The following HS6ST3 variants were observed in gnomAD, a reference collection of about 807,000 sequenced individuals.
HS6ST3 encodes heparan sulfate 6-O-sulfotransferase 3.
HS6ST3 carries 12 observed loss-of-function variants against 36.7 expected under a neutral mutation model. The observed-to-expected ratio is 0.33, with a 90% CI of 0.21 to 0.53. The LOEUF (loss-of-function observed/expected upper bound fraction) is 0.53. Among genes scored for constraint, HS6ST3 ranks in the 20% least tolerant of loss-of-function variants. The pLI is 0.95. For synonymous variants in HS6ST3, 240 were observed against 257.5 expected (o/e 0.93, Z 0.65); for missense variants, 584 against 640.9 (o/e 0.91, Z 0.96).
At chr13:96,775,250 G>A (rs868552053) in intron 1 of HS6ST3, among the ~76,000 whole-genome samples, 9 of 151,954 alleles carry the variant, frequency 5.9e-5, no homozygotes, top group African/African-American at 1.7e-4. Flanking sequence ...AAAGACCATC[G>A]AGACTATGAA....
At chr13:96,170,868 G>C (rs2054184094) in intron 1 of HS6ST3, among the ~76,000 whole-genome samples, 1 of 152,220 alleles carries the variant, frequency 6.6e-6, no homozygotes, top group Non-Finnish European at 1.5e-5. Context: ...AAACTGTATT[G>C]AATTTCTGGA....
intron 1 of HS6ST3, among the ~76,000 whole-genome samples, chr13:96,173,502 C>A (rs1259381689): frequency 6.6e-6 from 1 of 151,994 alleles, no homozygotes; most frequent in Non-Finnish European, 1.5e-5. Context: ...AAAGATCAGT[C>A]TCATTTACGT....
At chr13:96,155,885 A>T (rs1303597580) in intron 1 of HS6ST3, among the ~76,000 whole-genome samples, 3 of 152,190 alleles carry the variant, frequency 2.0e-5, no homozygotes, top group Non-Finnish European at 4.4e-5. Context: ...TTTAAAGCTT[A>T]CTGAAGACCT....
chr13:96,106,508 C>T (rs1054470224), intron 1 of HS6ST3, among the ~76,000 whole-genome samples: 1 of 152,184 alleles, frequency 6.6e-6, no homozygotes, highest in Non-Finnish European at 1.5e-5. Context: ...CAGCTCTTTA[C>T]AGACAGCAGC....
At chr13:96,238,067 G>A (rs1476379036) in intron 1 of HS6ST3, among the ~76,000 whole-genome samples, 4 of 152,046 alleles carry the variant, frequency 2.6e-5, no homozygotes, top group African/African-American at 9.7e-5. Context: ...GTCCAAAGTG[G>A]CACCTTGAAT....
intron 1 of HS6ST3, among the ~76,000 whole-genome samples, chr13:96,475,827 G>A (rs114597821): frequency 3.9e-5 from 6 of 152,210 alleles, no homozygotes; most frequent in African/African-American, 9.6e-5. Flanking sequence ...GGCCATATGC[G>A]AGAATGAGGA....
At chr13:96,706,413 T>TA (rs1555319827) in intron 1 of HS6ST3, among the ~76,000 whole-genome samples, 3 of 121,028 alleles carry the variant, frequency 2.5e-5, no homozygotes, top group East Asian at 2.4e-4. Flanking sequence ...AGAATATATT[T>TA]TATATATATA....
chr13:96,368,514 A>T (rs1925101), intron 1 of HS6ST3, among the ~76,000 whole-genome samples: 67,651 of 148,944 alleles, frequency 0.45, 15,677 homozygotes, highest in South Asian at 0.55. Context: ...TTTTTTTTTA[A>T]AAAAAAAACA....
intron 1 of HS6ST3, among the ~76,000 whole-genome samples, chr13:96,579,876 T>A (rs1466938665): frequency 6.6e-6 from 1 of 152,140 alleles, no homozygotes; most frequent in Non-Finnish European, 1.5e-5. Context: ...TATGGTATGA[T>A]TCTATGCAAA....
intron 1 of HS6ST3, among the ~76,000 whole-genome samples, chr13:96,760,259 T>C (rs759161012): frequency 1.3e-5 from 2 of 152,088 alleles, no homozygotes; most frequent in Non-Finnish European, 2.9e-5. Flanking sequence ...AATCTTCAGA[T>C]ACAAGCATGT....
chr13:96,797,410 A>G (rs1466654645), intron 1 of HS6ST3, among the ~76,000 whole-genome samples: 1 of 152,024 alleles, frequency 6.6e-6, no homozygotes, highest in Non-Finnish European at 1.5e-5. Flanking sequence ...AAACAAAGGC[A>G]GAAAGAATAA....
chr13:96,565,637 A>T (rs184461027), intron 1 of HS6ST3, among the ~76,000 whole-genome samples: 3 of 152,286 alleles, frequency 2.0e-5, no homozygotes, highest in Non-Finnish European at 4.4e-5. Flanking sequence ...TATACCAGAG[A>T]CCAGGTGTGT....
At chr13:96,590,519 A>G (rs1026042978) in intron 1 of HS6ST3, among the ~76,000 whole-genome samples, 8 of 151,792 alleles carry the variant, frequency 5.3e-5, no homozygotes, top group African/African-American at 9.7e-5. Context: ...TCTTTTGCCC[A>G]TTTTTAAATT....
In HS6ST3 at chr13:96,090,316, C is replaced by T. The variant is rs1056284730; in HGVS notation, c.-547C>T. On this transcript the variant is annotated 5_prime_UTR_variant, in exon 1 of 2. Transcript: ENST00000376705. ...CCCTCGCGGCTCCACAGCCCCGCGA[C>T]CTGCCGGCAAAGGCGCCGGGCGCGC... 6.7e-6 allele frequency among the ~76,000 whole-genome samples: 1 copy of T among 148,692 alleles called. No homozygotes were observed. Among genetic ancestry groups the T allele is most frequent in the Admixed American group, 6.7e-5 (1 of 14,946 alleles).
At chr13:96,250,945 A>G (rs1408493259) in intron 1 of HS6ST3, among the ~76,000 whole-genome samples, 2 of 152,172 alleles carry the variant, frequency 1.3e-5, no homozygotes, top group African/African-American at 4.8e-5. Flanking sequence ...TCACTTGCTG[A>G]TATTATGGTG....
At chr13:96,768,344 G>A (rs1037848942) in intron 1 of HS6ST3, among the ~76,000 whole-genome samples, 3 of 152,154 alleles carry the variant, frequency 2.0e-5, no homozygotes, top group African/African-American at 4.8e-5. Flanking sequence ...CTAGTTGACC[G>A]TGCAGAAAAG....
chr13:96,355,358 TACACACAC>T (rs66509801), intron 1 of HS6ST3, among the ~76,000 whole-genome samples: 3,039 of 140,558 alleles, frequency 0.022, 50 homozygotes, highest in Middle Eastern at 0.032. Context: ...AGTCTATAGT[TACACACAC>T]ACACACACAC....
intron 1 of HS6ST3, among the ~76,000 whole-genome samples, chr13:96,113,311 C>G (rs946035758): frequency 1.6e-4 from 24 of 152,278 alleles, no homozygotes; most frequent in African/African-American, 5.8e-4. Context: ...TATCTCTGAG[C>G]AGGAGCTCAG....
At chr13:96,552,899 T>A (rs1193344509) in intron 1 of HS6ST3, among the ~76,000 whole-genome samples, 1 of 152,134 alleles carries the variant, frequency 6.6e-6, no homozygotes, top group Non-Finnish European at 1.5e-5. Flanking sequence ...CTACCAGAAC[T>A]GGAGTGCAGG....
Sources: allele counts gnomAD v4.1 joint callset (sites outside exome capture counted in the v4.1 genomes callset), GRCh38; gene constraint gnomAD v4.1.1; transcripts MANE v1.5; gene names NCBI Gene and HGNC (gene_info 2026-07-23, HGNC 2026-07-21).